ETNPPL: variants seen among roughly 807,000 people sequenced by gnomAD.
ETNPPL encodes the protein alanine--glyoxylate aminotransferase 2-like 1.
A neutral mutation model predicts 55.5 loss-of-function variants in ETNPPL; 30 were observed. The observed-to-expected ratio is 0.54, with a 90% CI of 0.40 to 0.73. ETNPPL has a LOEUF of 0.73. Ranked by LOEUF, ETNPPL falls within the 30% of genes least tolerant of loss-of-function variation. ETNPPL has a pLI of 0.00. For synonymous variants in ETNPPL, 202 were observed against 207.2 expected, an observed-to-expected ratio of 0.98 and a Z score of 0.21; for missense variants, 528 against 607.9, an observed-to-expected ratio of 0.87 and a Z score of 1.38.
intron 1 of ETNPPL, 48 bp downstream of exon 1, chr4:108,762,795 C>A (rs761679040): frequency 1.9e-6 from 3 of 1,602,162 alleles, no homozygotes; most frequent in Non-Finnish European, 2.6e-6. Context: ...CTTCTGCACT[C>A]GTTATTGCCC....
chr4:108,747,224 T>A lies in ETNPPL; in HGVS notation c.1083-373A>T, dbSNP rs1321633869. Among the ~76,000 whole-genome samples, 5 of 24,698 alleles carry A rather than the reference T, an allele frequency of 2.0e-4. 1 individual carries two copies. Among genetic ancestry groups the A allele is most frequent in the South Asian group, 1.5e-3 (1 of 648 alleles). The allele number at this position is 24,698 out of a possible 152,430, so 16.2% of individuals were successfully genotyped here. ...TATATATATAATATATATATATATA[T>A]TATATATATATATATAATATATATA... On this transcript the variant is annotated intron_variant, in intron 9 of 12. Coordinates refer to ENST00000296486, the MANE Select transcript of ETNPPL (RefSeq NM_031279.4).
chr4:108,753,973 C>CTTTTTTTTT (rs1213568977), intron 5 of ETNPPL, among the ~76,000 whole-genome samples: 18 of 122,788 alleles, frequency 1.5e-4, no homozygotes, highest in Non-Finnish European at 2.4e-4. Context: ...TTTTTCTTTT[C>CTTTTTTTTT]TTTTTTTTTT....
chr4:108,749,413 C>T lies in ETNPPL; in HGVS notation c.752G>A (p.Gly251Asp). The T allele has an allele frequency of 5.0e-6, 8 of 1,614,100 alleles. No homozygotes were observed. The highest frequency in any genetic ancestry group is 6.8e-6 in the Non-Finnish European group (8 of 1,180,012). The part of the protein sequence containing the change: ...GVFIADEVQV[G>D]FGRVGKHFWS... The stretch of plus-strand genomic sequence containing the variant: ...GAAATGTTTCCCAACTCTGCCAAAG[C>T]CCACTTGAACTTCATCAGCTATAAA... Residue 251 changes from glycine to aspartate, a missense_variant, in exon 8 of 13, where the codon GGC becomes GAC. Coordinates refer to ENST00000296486, the MANE Select transcript of ETNPPL (RefSeq NM_031279.4).
rs141303873 is a variant in ETNPPL, at chr4:108,754,137, C to A, written c.501+483G>T. 1.1e-4 allele frequency among the ~76,000 whole-genome samples: 17 copies of A among 152,030 alleles called. No individual in the cohort carries two copies. The East Asian group carries it at 2.0e-3, about 17-fold the overall frequency. ...TACAGGCACCTGCCACCACACCTGG[C>A]TAATTTTTGTACTTTTTTTAAGTAG... On this transcript the variant is annotated intron_variant, in intron 5 of 12. Coordinates refer to ENST00000296486, the MANE Select transcript of ETNPPL (RefSeq NM_031279.4).
Position 108,748,000 on chromosome 4 carries a change from CAT to C in ETNPPL, c.1082+3_1082+4del, listed in dbSNP as rs1232028550. ...AACTACATGACAACTTCATAATGAA[CAT>C]ACCTAATATCTCCTATCAAAGTGTG... On this transcript the variant is annotated splice_donor_region_variant and intron_variant, in intron 9 of 12. Coordinates refer to ENST00000296486, the MANE Select transcript of ETNPPL (RefSeq NM_031279.4). 1.2e-6 allele frequency: 2 copies of C among 1,603,646 alleles called. No individual in the cohort carries two copies. The highest frequency in any genetic ancestry group is 1.7e-6 in the Non-Finnish European group (2 of 1,175,486).
Position 108,762,982 on chromosome 4 carries a change from C to T in ETNPPL, c.-84G>A. 1 of 1,379,888 alleles carries T rather than the reference C, an allele frequency of 7.2e-7. No individual in the cohort carries two copies. The highest frequency in any genetic ancestry group is 1.2e-5 in the South Asian group (1 of 84,172). The allele number at this position is 1,379,888 out of a possible 1,614,324, so 85.5% of individuals were successfully genotyped here. On this transcript the variant is annotated 5_prime_UTR_variant, in exon 1 of 13. Coordinates refer to ENST00000296486, the MANE Select transcript of ETNPPL (RefSeq NM_031279.4). ...GCGAGCCTGGGACTGCCTTGGCGGC[C>T]CCGGCCGGCCTTCCTCCCGTTATCC...
Position 108,759,894 on chromosome 4 carries a change from G to C in ETNPPL, c.190C>G (p.Pro64Ala). The C allele has an allele frequency of 1.2e-6, 2 of 1,613,806 alleles. No individual in the cohort carries two copies. Among genetic ancestry groups the C allele is most frequent in the Non-Finnish European group, 1.7e-6 (2 of 1,179,936 alleles). The change falls in exon 3 of 13, where the codon CCA (proline) becomes GCA (alanine). Residue 64 changes from proline to alanine, a missense_variant. Pro to Ala is a conservative substitution (Grantham distance 27). Coordinates refer to ENST00000296486, the MANE Select transcript of ETNPPL (RefSeq NM_031279.4). Reference protein sequence around the residue: ...NNVAHVGHCHPGVVKAALKQM... With the variant: ...NNVAHVGHCHAGVVKAALKQM... ...TTCAGGGCAGCTTTGACCACTCCTG[G>C]GTGACAGTGTCCCACTAAAATTTAT...
chr4:108,746,457 C>T lies in ETNPPL; in HGVS notation c.1245G>A (p.Met415Ile). Residue 415 changes from methionine (M) to isoleucine (I), a missense_variant, in exon 11 of 13, where the codon ATG becomes ATA. Coordinates refer to ENST00000296486, the MANE Select transcript of ETNPPL (RefSeq NM_031279.4). ...ACTTTGCATCTTCTTCAGTGAAGCACATAGGTGGTTTTATTTTAAGTACAT... is the reference window on the plus strand; with the variant it reads ...ACTTTGCATCTTCTTCAGTGAAGCATATAGGTGGTTTTATTTTAAGTACAT... Reference protein sequence around the residue: ...HRNVLKIKPPMCFTEEDAKFM... With the variant: ...HRNVLKIKPPICFTEEDAKFM... 1 of 1,613,900 alleles carries T rather than the reference C, an allele frequency of 6.2e-7. No individual in the cohort carries two copies. The highest frequency in any genetic ancestry group is 1.1e-5 in the South Asian group (1 of 91,052).
chr4:108,750,573 A>T (rs924140204), intron 7 of ETNPPL, among the ~76,000 whole-genome samples: 2 of 143,472 alleles, frequency 1.4e-5, no homozygotes, highest in Non-Finnish European at 3.0e-5. Flanking sequence ...ATATATATAC[A>T]ATATATATGA....
At chr4:108,744,047 G>T (rs113978201) in intron 11 of ETNPPL, among the ~76,000 whole-genome samples, 191 bp from the exon 12 acceptor site, 3 of 152,348 alleles carry the variant, frequency 2.0e-5, no homozygotes, top group African/African-American at 7.2e-5. Flanking sequence ...CGGATCACAA[G>T]GTCAGGAGTT....
At chr4:108,747,356 T>A (rs2344622) in intron 9 of ETNPPL, among the ~76,000 whole-genome samples, 12,649 of 148,324 alleles carry the variant, frequency 0.085, 1,039 homozygotes, top group East Asian at 0.49. Context: ...AGAGCTACAT[T>A]AAGTTCCTTC....
At chr4:108,744,159 G>T (rs1380129528) in intron 11 of ETNPPL, among the ~76,000 whole-genome samples, 3 of 152,086 alleles carry the variant, frequency 2.0e-5, no homozygotes, top group South Asian at 4.1e-4. Context: ...TACTCGGGAG[G>T]CTGAGGCAGA....
intron 6 of ETNPPL, among the ~76,000 whole-genome samples, chr4:108,751,657 C>G (rs539969890): frequency 6.6e-6 from 1 of 152,176 alleles, no homozygotes; most frequent in African/African-American, 2.4e-5. Flanking sequence ...TCAAGAGAAC[C>G]CAAGTTCTAG....
At chr4:108,748,753 A>G (rs576338720) in intron 8 of ETNPPL, among the ~76,000 whole-genome samples, 1 of 152,302 alleles carries the variant, frequency 6.6e-6, no homozygotes, top group East Asian at 1.9e-4. Context: ...TGTTTTGGAA[A>G]TTTAAGTATG....
Position 108,762,915 on chromosome 4 carries a change from G to A in ETNPPL, c.-17C>T, listed in dbSNP as rs1409580547. On this transcript the variant is annotated 5_prime_UTR_variant, in exon 1 of 13. Transcript: ENST00000296486. ...CTCGCACATGGTGGCGGGGTGCAGGGCGCTGCGAAGGTGCAAGGTGCAAGG... is the reference window on the plus strand; with the variant it reads ...CTCGCACATGGTGGCGGGGTGCAGGACGCTGCGAAGGTGCAAGGTGCAAGG... The A allele has an allele frequency of 1.2e-6, 2 of 1,613,716 alleles. No homozygotes were observed. Among genetic ancestry groups the A allele is most frequent in the South Asian group, 1.1e-5 (1 of 91,084 alleles).
chr4:108,759,819 C>A lies in ETNPPL; in HGVS notation c.265G>T (p.Val89Phe). Residue 89 changes from valine (V) to phenylalanine (F), a missense_variant, in exon 3 of 13, where the codon GTT becomes TTT. Val to Phe is a conservative substitution (Grantham distance 50, BLOSUM62 -1). Transcript: ENST00000296486. ...GCTGAAAGGCGTTTGGCATACTCAA[C>A]AATGTTGTCGTGGAGGAATCGAGAA... Reference protein sequence around the residue: ...TNSRFLHDNIVEYAKRLSATL... With the variant: ...TNSRFLHDNIFEYAKRLSATL... 6.2e-7 allele frequency: 1 copy of A among 1,614,112 alleles called. No homozygotes were observed. Among genetic ancestry groups the A allele is most frequent in the Non-Finnish European group, 8.5e-7 (1 of 1,180,008 alleles).
At chr4:108,749,510 C>T (rs1304003367) in intron 7 of ETNPPL, 47 bp from the exon 8 acceptor site, 1 of 1,377,008 alleles carries the variant, frequency 7.3e-7, no homozygotes, top group South Asian at 1.2e-5. Flanking sequence ...ACTGAGATCC[C>T]CAAACCCACC....
chr4:108,750,074 G>C (rs1263188391), intron 7 of ETNPPL, among the ~76,000 whole-genome samples: 2 of 152,110 alleles, frequency 1.3e-5, no homozygotes, highest in Non-Finnish European at 2.9e-5. Context: ...TGTTAACAGG[G>C]TTAGTCTTCA....
rs147996872 is a variant in ETNPPL at position 108,751,292 on chromosome 4, A to G, written c.619-274T>C. Among the ~76,000 whole-genome samples the G allele has an allele frequency of 1.7e-3, 258 of 152,332 alleles. 1 individual carries two copies. The highest frequency in any genetic ancestry group is 5.9e-3 in the African/African-American group (246 of 41,580). Reference sequence around the variant, plus strand: ...GCAACTTCCATTTCTCCATCATTACATGCAGCAGTTTCATTAGGATGAACT... The same window carrying G: ...GCAACTTCCATTTCTCCATCATTACGTGCAGCAGTTTCATTAGGATGAACT... On this transcript the variant is annotated intron_variant, in intron 6 of 12. Coordinates refer to ENST00000296486, the MANE Select transcript of ETNPPL (RefSeq NM_031279.4).
Sources: allele counts gnomAD v4.1 joint callset (sites outside exome capture counted in the v4.1 genomes callset), GRCh38; gene constraint gnomAD v4.1.1; transcripts MANE v1.5; gene names NCBI Gene and HGNC (gene_info 2026-07-23, HGNC 2026-07-21).